PECR: variants seen among roughly 807,000 people sequenced by gnomAD.
The protein encoded by PECR is peroxisomal trans-2-enoyl-CoA reductase.
In PECR, 30 loss-of-function variants were observed where a neutral mutation model predicts 35.3. That is an observed-to-expected ratio of 0.85 (90% CI 0.64 to 1.15). The LOEUF is 1.15. Ranked by LOEUF, PECR falls within the 50% of genes most tolerant of loss-of-function variation. The pLI is 0.00. For synonymous variants in PECR, 148 were observed against 138.9 expected (o/e 1.07, Z -0.46); for missense variants, 392 against 370.8 (o/e 1.06, Z -0.47).
At chr2:216,043,299 G>A (rs933524893) in intron 7 of PECR, among the ~76,000 whole-genome samples, 9 of 151,496 alleles carry the variant, frequency 5.9e-5, no homozygotes, top group Non-Finnish European at 8.8e-5. Context: ...TAGTAGAGAC[G>A]GGGTTTCACT....
At chr2:216,080,987 C>T (rs1695828914) in intron 1 of PECR, among the ~76,000 whole-genome samples, 1 of 152,178 alleles carries the variant, frequency 6.6e-6, no homozygotes, top group South Asian at 2.1e-4. Context: ...GAGACCCTAT[C>T]TCAAAACCAA....
At chr2:216,075,380 G>A (rs900830833) in intron 1 of PECR, among the ~76,000 whole-genome samples, 1 of 152,222 alleles carries the variant, frequency 6.6e-6, no homozygotes, top group Middle Eastern at 3.4e-3. Flanking sequence ...ATATATATAC[G>A]TGTGTATACA....
chr2:216,029,465 G>A (rs1466184706), intron 7 of PECR, among the ~76,000 whole-genome samples: 1 of 87,576 alleles, frequency 1.1e-5, no homozygotes, highest in Non-Finnish European at 2.5e-5. Flanking sequence ...GAGAGAGTGA[G>A]ACTCCATCTC....
chr2:216,053,095 C>G (rs1394904329), intron 4 of PECR, among the ~76,000 whole-genome samples: 1 of 152,144 alleles, frequency 6.6e-6, no homozygotes, highest in East Asian at 1.9e-4. Flanking sequence ...CTCAGATGAT[C>G]TGCCCGCCTC....
chr2:216,062,792 C>T (rs1695381768), intron 3 of PECR, among the ~76,000 whole-genome samples: 1 of 152,136 alleles, frequency 6.6e-6, no homozygotes, highest in Admixed American at 6.6e-5. Flanking sequence ...AACAGTGGTC[C>T]CATAAGATTA....
Position 216,057,222 on chromosome 2 carries a change from A to G in PECR, c.506+1673T>C, listed in dbSNP as rs549471564. 2.0e-5 allele frequency among the ~76,000 whole-genome samples: 3 copies of G among 152,294 alleles called. No homozygotes were observed. The South Asian group carries it at 6.2e-4, about 32-fold the overall frequency. ...CTACACACTATCTGATGTACAGAAA[A>G]TGTTACTTACTGCAGGTGTTTAGTT... is the stretch of plus-strand genomic sequence containing the variant. On this transcript the variant is annotated intron_variant, in intron 4 of 7. Coordinates refer to ENST00000265322, the MANE Select transcript of PECR (RefSeq NM_018441.6).
At chr2:216,035,898 C>T (rs1347489278), downstream of PECR, among the ~76,000 whole-genome samples, 1 of 152,208 alleles carries the variant, frequency 6.6e-6, no homozygotes, top group Non-Finnish European at 1.5e-5. Context: ...TCCTTCACTA[C>T]TCCAATCTGC....
chr2:216,063,812 G>C (rs1695409038), intron 3 of PECR: 1 of 151,894 alleles, frequency 6.6e-6, no homozygotes, highest in Non-Finnish European at 1.5e-5. Context: ...CCGCCTCTCG[G>C]GTTCAAGAGA....
intron 3 of PECR, among the ~76,000 whole-genome samples, chr2:216,061,416 G>C (rs1452263695): frequency 6.8e-6 from 1 of 148,132 alleles, no homozygotes; most frequent in African/African-American, 2.5e-5. Context: ...ATTATCCACA[G>C]ATTACTTATA....
chr2:216,046,310 ATT>A (rs869225237), intron 6 of PECR, among the ~76,000 whole-genome samples: 7 of 96,950 alleles, frequency 7.2e-5, no homozygotes, highest in South Asian at 6.2e-4. Context: ...ATATATATAT[ATT>A]TTTTTTTTTT....
At chr2:216,078,566 C>T (rs1312672972) in intron 1 of PECR, among the ~76,000 whole-genome samples, 32 of 142,174 alleles carry the variant, frequency 2.3e-4, no homozygotes, top group Admixed American at 1.8e-3. Context: ...CCAGCCTGGG[C>T]GACAGAGCGA....
In PECR at chr2:216,040,591, A is replaced by G. The variant is rs151261322; in HGVS notation, c.827-1231T>C. On this transcript the variant is annotated intron_variant, in intron 7 of 7. Transcript: ENST00000265322. Reference sequence around the variant, plus strand: ...ATTTAAATGTGCATTATCTAAGGCCAGGCACAGTGGCTCATGCCTGTAATC... The same window carrying G: ...ATTTAAATGTGCATTATCTAAGGCCGGGCACAGTGGCTCATGCCTGTAATC... Among the ~76,000 whole-genome samples the G allele has an allele frequency of 2.9e-3, 438 of 152,280 alleles. 4 individuals are homozygous for G. The highest frequency in any genetic ancestry group is 0.01 in the African/African-American group (424 of 41,578).
chr2:216,034,849 T>G (rs1694768480), downstream of PECR, among the ~76,000 whole-genome samples: 1 of 152,046 alleles, frequency 6.6e-6, no homozygotes, highest in African/African-American at 2.4e-5. Flanking sequence ...TCAAGAAAAC[T>G]CAGCCAGTTG....
intron 3 of PECR, among the ~76,000 whole-genome samples, chr2:216,061,722 T>TA (rs1159158833): frequency 2.0e-5 from 3 of 151,862 alleles, no homozygotes; most frequent in African/African-American, 7.3e-5. Flanking sequence ...TAAAGAGACA[T>TA]AAAAAAATGC....
chr2:216,067,207 G>T (rs2105963249), intron 1 of PECR, among the ~76,000 whole-genome samples: 1 of 152,270 alleles, frequency 6.6e-6, no homozygotes, highest in South Asian at 2.1e-4. Context: ...AGGGAGAAAA[G>T]ATATACAGAG....
chr2:216,066,379 C>T lies in PECR; in HGVS notation c.258+6G>A. ...TGAATAAATGATACAGATATATCTC[C>T]ATTACCTCCTCCTCATTCCGGATGT... On this transcript the variant is annotated splice_donor_region_variant and intron_variant, in intron 2 of 7. Transcript: ENST00000265322. 1 of 1,610,866 alleles carries T rather than the reference C, an allele frequency of 6.2e-7. No homozygotes were observed. Among genetic ancestry groups the T allele is most frequent in the Non-Finnish European group, 8.5e-7 (1 of 1,176,988 alleles).
downstream of PECR, among the ~76,000 whole-genome samples, chr2:216,038,094 T>A (rs1694827974): frequency 6.6e-6 from 1 of 151,432 alleles, no homozygotes; most frequent in Admixed American, 6.6e-5. Context: ...TAAAAATAAA[T>A]AAATAAATAA....
intron 3 of PECR, among the ~76,000 whole-genome samples, chr2:216,061,914 C>G (rs970305828): frequency 5.9e-5 from 9 of 151,498 alleles, no homozygotes; most frequent in African/African-American, 2.2e-4. Flanking sequence ...AAACAAAGTA[C>G]CTTTGTATCT....
intron 4 of PECR, among the ~76,000 whole-genome samples, chr2:216,055,061 G>A (rs1202341821): frequency 6.8e-6 from 1 of 147,134 alleles, no homozygotes; most frequent in East Asian, 2.0e-4. Context: ...GCAGTGAGCA[G>A]AAATTGCACC....
Sources: allele counts gnomAD v4.1 joint callset (sites outside exome capture counted in the v4.1 genomes callset), GRCh38; gene constraint gnomAD v4.1.1; transcripts MANE v1.5; gene names NCBI Gene and HGNC (gene_info 2026-07-23, HGNC 2026-07-21).